The following SGCD variants were observed in gnomAD, a reference collection of about 807,000 sequenced individuals.
SGCD encodes the protein sarcoglycan delta.
Under a neutral mutation model 36.6 loss-of-function variants are expected in SGCD, and 18 were observed. The ratio of observed to expected loss-of-function variants is 0.49; its 90% CI spans 0.34 to 0.73. The LOEUF (loss-of-function observed/expected upper bound fraction) is 0.73, where lower values mean the gene tolerates loss of function less well. SGCD is among the 30% of genes least tolerant of loss of function. The probability of loss-of-function intolerance (pLI) is 0.01; values close to 1 mark genes in which losing one functional copy is unlikely to be tolerated. For missense variants in SGCD, 387 were observed against 346.7 expected, an observed-to-expected ratio of 1.12 and a Z score of -0.92; for synonymous variants, 133 against 130.6, an observed-to-expected ratio of 1.02 and a Z score of -0.12.
chr5:156,722,485 T>C (rs1484081384), intron 7 of SGCD, among the ~76,000 whole-genome samples: 2 of 152,214 alleles, frequency 1.3e-5, no homozygotes, highest in Non-Finnish European at 2.9e-5. Flanking sequence ...GCCACTACTC[T>C]TGGCTTGGGT....
chr5:156,526,828 C>G (rs1757661700), intron 4 of SGCD, among the ~76,000 whole-genome samples: 1 of 152,110 alleles, frequency 6.6e-6, no homozygotes, highest in East Asian at 1.9e-4. Flanking sequence ...GATACGTATT[C>G]AAAGGCTTTT....
the SGCD span, among the ~76,000 whole-genome samples, chr5:155,795,047 A>G: frequency 6.6e-6 from 1 of 152,144 alleles, no homozygotes; most frequent in Non-Finnish European, 1.5e-5. Context: ...ATTACCTCTT[A>G]AAAGTGAAGA....
At chr5:156,436,983 C>T (rs1354047716) in intron 3 of SGCD, among the ~76,000 whole-genome samples, 2 of 152,098 alleles carry the variant, frequency 1.3e-5, no homozygotes, top group Admixed American at 1.3e-4. Flanking sequence ...CAGAAAAGTC[C>T]TGGCTGTCAT....
chr5:156,172,465 A>G (rs1004368372), intron 3 of SGCD, among the ~76,000 whole-genome samples: 13 of 152,148 alleles, frequency 8.5e-5, no homozygotes, highest in African/African-American at 2.7e-4. Flanking sequence ...GCAAATTTCT[A>G]AACTTCTCTG....
chr5:156,280,294 A>G (rs1046404847), intron 3 of SGCD, among the ~76,000 whole-genome samples: 1 of 152,224 alleles, frequency 6.6e-6, no homozygotes, highest in African/African-American at 2.4e-5. Context: ...ATAGGTATCC[A>G]ATGCCATTAT....
intron 7 of SGCD, 45 bp from the exon 8 acceptor site, chr5:156,757,536 A>G (rs774985353): frequency 8.1e-7 from 1 of 1,233,206 alleles, no homozygotes; most frequent in Non-Finnish European, 1.1e-6. Context: ...TGTATTTATT[A>G]AAAAGAAAAA....
chr5:155,876,129 A>G (rs1027247031), intron 1 of SGCD, among the ~76,000 whole-genome samples: 5 of 150,560 alleles, frequency 3.3e-5, no homozygotes, highest in East Asian at 2.0e-4. Flanking sequence ...TACATGTGCC[A>G]TGCTGGTGCG....
At chr5:156,286,683 G>A (rs7714998) in intron 3 of SGCD, among the ~76,000 whole-genome samples, 8,760 of 152,182 alleles carry the variant, frequency 0.058, 295 homozygotes, top group Non-Finnish European at 0.075. Context: ...GTGGGTTGGG[G>A]GAGTGGGGAG....
At chr5:155,854,280 G>A in the SGCD span, among the ~76,000 whole-genome samples, 1 of 152,098 alleles carries the variant, frequency 6.6e-6, no homozygotes, top group Non-Finnish European at 1.5e-5. Context: ...AACTAGAAAT[G>A]TCTCCAGACT....
At chr5:155,812,903 C>A in the SGCD span, among the ~76,000 whole-genome samples, 2 of 152,156 alleles carry the variant, frequency 1.3e-5, no homozygotes, top group African/African-American at 4.8e-5. Flanking sequence ...TCAGGCATCA[C>A]TGCAGTTGTG....
At chr5:156,624,500 G>T (rs111415262) in intron 6 of SGCD, among the ~76,000 whole-genome samples, 4,605 of 152,146 alleles carry the variant, frequency 0.03, 228 homozygotes, top group African/African-American at 0.1. Flanking sequence ...AGAATGGTGC[G>T]AACCCAGGAG....
intron 1 of SGCD, among the ~76,000 whole-genome samples, chr5:155,968,319 C>T (rs1757940946): frequency 6.6e-6 from 1 of 152,092 alleles, no homozygotes; most frequent in Non-Finnish European, 1.5e-5. Context: ...CTTTTGGACT[C>T]AGTTCTTGAG....
chr5:155,956,500 C>G (rs923133448), intron 1 of SGCD, among the ~76,000 whole-genome samples: 2 of 152,076 alleles, frequency 1.3e-5, no homozygotes, highest in Non-Finnish European at 2.9e-5. Flanking sequence ...TTTTCATCGT[C>G]CTGAGGATAC....
At chr5:155,953,232 C>T (rs1188367492) in intron 1 of SGCD, among the ~76,000 whole-genome samples, 2 of 152,070 alleles carry the variant, frequency 1.3e-5, no homozygotes, top group Non-Finnish European at 2.9e-5. Context: ...TTCTTGAAAG[C>T]ACAATTTACT....
rs569142710 is a variant in SGCD, at chr5:155,888,430, G to A, written c.-282+18006G>A. On this transcript the variant is annotated intron_variant, in intron 1 of 9. Transcript: ENST00000517913. ...TAGGCTCCTGTTATAACAAAAGACA[G>A]GGTAACAAAAGAAAAGCACACACAT... 2.6e-5 allele frequency among the ~76,000 whole-genome samples: 4 copies of A among 152,258 alleles called. No homozygotes were observed. The South Asian group carries it at 8.3e-4, about 32-fold the overall frequency.
intron 6 of SGCD, among the ~76,000 whole-genome samples, chr5:156,642,371 C>G (rs1221645317): frequency 6.6e-6 from 1 of 151,668 alleles, no homozygotes; most frequent in Non-Finnish European, 1.5e-5. Context: ...ACTGTGGCCT[C>G]TGAGGCTCTG....
At chr5:155,800,859 T>G in the SGCD span, among the ~76,000 whole-genome samples, 1 of 152,192 alleles carries the variant, frequency 6.6e-6, no homozygotes, top group Non-Finnish European at 1.5e-5. Context: ...TATTTTTTTC[T>G]TTTTGTTTTG....
At chr5:156,402,526 A>G (rs1561672383) in intron 3 of SGCD, among the ~76,000 whole-genome samples, 2 of 152,204 alleles carry the variant, frequency 1.3e-5, no homozygotes, top group Non-Finnish European at 1.5e-5. Flanking sequence ...GGAGTTTTAC[A>G]TAATTATTCA....
At chr5:156,673,002 A>G (rs1753361568) in intron 7 of SGCD, among the ~76,000 whole-genome samples, 1 of 152,130 alleles carries the variant, frequency 6.6e-6, no homozygotes. Flanking sequence ...TACTTCCCCT[A>G]TTACACACAT....
Sources: gnomAD v4.1 joint callset for allele counts (sites outside exome capture counted in the v4.1 genomes callset) on GRCh38, gnomAD v4.1.1 for gene constraint, MANE v1.5 for transcripts, NCBI Gene and HGNC (gene_info 2026-07-23, HGNC 2026-07-21) for gene names.